The following AHCY variants were observed in gnomAD, a reference collection of about 807,000 sequenced individuals.
AHCY encodes adenosylhomocysteinase, also known as S-adenosyl-L-homocysteine hydrolase.
Under a neutral mutation model 45.4 loss-of-function variants are expected in AHCY, and 24 were observed. The observed-to-expected ratio is 0.53, with a 90% CI of 0.38 to 0.74. AHCY has a LOEUF of 0.74. Ranked by LOEUF, AHCY falls within the 30% of genes least tolerant of loss-of-function variation. The pLI is 0.00. For missense variants in AHCY, 449 were observed against 594.1 expected (o/e 0.76, Z 2.54); for synonymous variants, 245 against 235.1 (o/e 1.04, Z -0.39).
the AHCY span, chr20:34,245,806 G>T: frequency 1.2e-6 from 1 of 808,720 alleles, no homozygotes; most frequent in Non-Finnish European, 1.5e-6. Flanking sequence ...CAGTGAAAAT[G>T]CCAAGGACGA....
chr20:34,303,466 T>C, upstream of AHCY: 2 of 772,664 alleles, frequency 2.6e-6, no homozygotes, highest in South Asian at 3.5e-5. Context: ...TTTCGATCCC[T>C]GAAAAGAAGC....
At chr20:34,235,874 G>GA in the AHCY span, among the ~76,000 whole-genome samples, 1,128 of 72,282 alleles carry the variant, frequency 0.016, 13 homozygotes, top group East Asian at 0.041. Flanking sequence ...GGAAAGGAAG[G>GA]AAGGAAGGAA....
chr20:34,258,582 G>T, the AHCY span, among the ~76,000 whole-genome samples: 6 of 139,710 alleles, frequency 4.3e-5, no homozygotes. Context: ...AGCTTGGATG[G>T]AATTTATTAC....
Position 34,284,884 on chromosome 20 carries a change from T to C in AHCY, c.1167+556A>G, listed in dbSNP as rs185396614. 2.6e-4 allele frequency among the ~76,000 whole-genome samples: 40 copies of C among 152,328 alleles called. 1 individual carries two copies. Among genetic ancestry groups the C allele is most frequent in the Admixed American group, 1.2e-3 (18 of 15,308 alleles). On this transcript the variant is annotated intron_variant, in intron 9 of 9. Transcript: ENST00000217426. ...GCCTGTATTTGAAAATCATTTTGTATAGAGATCTTGGTATCTCTGGCTCTC... is the reference window on the plus strand; with the variant it reads ...GCCTGTATTTGAAAATCATTTTGTACAGAGATCTTGGTATCTCTGGCTCTC...
chr20:34,286,217 A>C (rs547186135), intron 8 of AHCY: 1 of 170,974 alleles, frequency 5.8e-6, no homozygotes, highest in African/African-American at 2.4e-5. Context: ...GCACTCAGTA[A>C]GCAGCAGCTA....
chr20:34,251,339 C>T, the AHCY span, among the ~76,000 whole-genome samples: 6 of 151,310 alleles, frequency 4.0e-5, no homozygotes, highest in South Asian at 2.1e-4. Context: ...GGCGTGATGT[C>T]GGCTCACTGC....
At chr20:34,256,938 T>C in the AHCY span, among the ~76,000 whole-genome samples, 5 of 152,144 alleles carry the variant, frequency 3.3e-5, no homozygotes, top group African/African-American at 1.2e-4. Flanking sequence ...GTGCCGCCAC[T>C]CCCTGCTAAG....
intron 9 of AHCY, among the ~76,000 whole-genome samples, chr20:34,281,962 T>C (rs2036018431): frequency 6.6e-6 from 1 of 152,242 alleles, no homozygotes; most frequent in Admixed American, 6.5e-5. Flanking sequence ...GTGCTGGGAT[T>C]ACAGGCGTGA....
At chr20:34,268,862 G>A in the AHCY span, 11 of 1,171,342 alleles carry the variant, frequency 9.4e-6, no homozygotes, top group African/African-American at 3.1e-5. Context: ...AGCGGGCGGT[G>A]GGCGGTGGGC....
chr20:34,257,025 A>G, the AHCY span, among the ~76,000 whole-genome samples: 1 of 150,426 alleles, frequency 6.6e-6, no homozygotes, highest in African/African-American at 2.5e-5. Flanking sequence ...TTTAAAGTTG[A>G]ATTTCTTTCT....
intron 1 of AHCY, 79 bp from the exon 2 acceptor site, chr20:34,295,664 G>T: frequency 1.4e-6 from 2 of 1,443,274 alleles, no homozygotes; most frequent in South Asian, 1.2e-5. Flanking sequence ...CATGGACCCC[G>T]ATCCACGTGT....
the AHCY span, among the ~76,000 whole-genome samples, chr20:34,264,005 A>G: frequency 6.6e-6 from 1 of 152,170 alleles, no homozygotes; most frequent in Non-Finnish European, 1.5e-5. Flanking sequence ...TTGAAGATTG[A>G]CAATTAGAAA....
At chr20:34,245,057 C>T in the AHCY span, among the ~76,000 whole-genome samples, 11 of 152,140 alleles carry the variant, frequency 7.2e-5, no homozygotes, top group Admixed American at 5.9e-4. Flanking sequence ...AGAGTCAGGC[C>T]GGGCACAGTG....
At chr20:34,284,508 C>A (rs2036105641) in intron 9 of AHCY, among the ~76,000 whole-genome samples, 2 of 152,170 alleles carry the variant, frequency 1.3e-5, no homozygotes, top group Admixed American at 6.5e-5. Context: ...AGCCTGCAGA[C>A]TGCACTCAGC....
the AHCY span, among the ~76,000 whole-genome samples, chr20:34,242,843 G>C: frequency 1.3e-5 from 2 of 152,216 alleles, no homozygotes; most frequent in Non-Finnish European, 2.9e-5. Flanking sequence ...TGCTTAATGA[G>C]TGCTTGTGCA....
chr20:34,241,561 T>G, the AHCY span: 9 of 979,628 alleles, frequency 9.2e-6, no homozygotes, highest in East Asian at 9.1e-4. Flanking sequence ...TTGAAAGGAC[T>G]TAACAGTTAT....
At chr20:34,298,730 C>T (rs1427328403) in intron 1 of AHCY, among the ~76,000 whole-genome samples, 2 of 152,116 alleles carry the variant, frequency 1.3e-5, no homozygotes, top group Admixed American at 1.3e-4. Context: ...TAACCATCTC[C>T]CTGTGATGCT....
At chr20:34,263,437 C>T in the AHCY span, among the ~76,000 whole-genome samples, 5 of 151,824 alleles carry the variant, frequency 3.3e-5, no homozygotes, top group African/African-American at 7.3e-5. Context: ...TGGTGGTGGG[C>T]GCCTGTAATC....
chr20:34,295,729 A>G, intron 1 of AHCY, 144 bp from the exon 2 acceptor site: 2 of 862,410 alleles, frequency 2.3e-6, no homozygotes, highest in Admixed American at 2.0e-5. Context: ...CACTCATGCA[A>G]CAAGTATTTA....
Sources: gnomAD v4.1 joint callset for allele counts (sites outside exome capture counted in the v4.1 genomes callset) on GRCh38, gnomAD v4.1.1 for gene constraint, MANE v1.5 for transcripts, NCBI Gene and HGNC (gene_info 2026-07-23, HGNC 2026-07-21) for gene names.